DERA: variants seen among roughly 807,000 people sequenced by gnomAD.
DERA encodes 2-deoxy-D-ribose 5-phosphate aldolase.
Under a neutral mutation model 41.1 loss-of-function variants are expected in DERA, and 15 were observed. The observed-to-expected ratio is 0.37, with a 90% CI of 0.24 to 0.56. The LOEUF (loss-of-function observed/expected upper bound fraction) is 0.56. Among genes scored for constraint, DERA ranks in the 20% least tolerant of loss-of-function variants. The pLI is 0.81. For synonymous variants in DERA, 139 were observed against 137.4 expected, an observed-to-expected ratio of 1.01 and a Z score of -0.08; for missense variants, 396 against 403.4, an observed-to-expected ratio of 0.98 and a Z score of 0.16.
chr12:15,960,322 A>G (rs1366499492), intron 4 of DERA, among the ~76,000 whole-genome samples: 1 of 150,836 alleles, frequency 6.6e-6, no homozygotes, highest in South Asian at 2.1e-4. Context: ...TCTGTTATAC[A>G]TATATATGTA....
intron 1 of DERA, among the ~76,000 whole-genome samples, chr12:15,946,088 A>T (rs560401493): frequency 6.6e-6 from 1 of 152,282 alleles, no homozygotes; most frequent in East Asian, 1.9e-4. Context: ...CCACTTGATC[A>T]TGGTGGATAA....
rs114385135 is a variant in DERA, at chr12:15,969,024, C to T, written c.508+6077C>T. Among the ~76,000 whole-genome samples, 974 of 152,280 alleles carry T rather than the reference C, an allele frequency of 6.4e-3. 11 individuals carry two copies. The highest frequency in any genetic ancestry group is 0.022 in the African/African-American group (913 of 41,556). On this transcript the variant is annotated intron_variant, in intron 5 of 8. Transcript: ENST00000428559. Reference sequence around the variant, plus strand: ...TAATGATTTTTACAACCCTTTAGAGCTATAATGATCTTTAATTTTATGTTT... The same window carrying T: ...TAATGATTTTTACAACCCTTTAGAGTTATAATGATCTTTAATTTTATGTTT...
rs1031784683 is a variant in DERA at position 15,921,206 on chromosome 12, C to T, written c.31+9792C>T. Among the ~76,000 whole-genome samples the T allele has an allele frequency of 3.9e-5, 6 of 152,164 alleles. No individual in the cohort carries two copies. Among genetic ancestry groups the T allele is most frequent in the South Asian group, 2.1e-4 (1 of 4,824 alleles). ...AGGCATGTTGGAAACATCGGGGTGA[C>T]GTAGTGAAGTAAGTGCATATATCTG... On this transcript the variant is annotated intron_variant, in intron 1 of 8. Transcript: ENST00000428559. This position sits in a 1 kb window ranked among gnomAD's most constrained non-coding sequence, Gnocchi z 5.3.
intron 1 of DERA, among the ~76,000 whole-genome samples, chr12:15,942,790 G>A (rs911538595): frequency 3.9e-5 from 6 of 152,192 alleles, no homozygotes; most frequent in Non-Finnish European, 7.3e-5. Flanking sequence ...CGTGCTGTGC[G>A]ACATTGCTGG....
At position 15,913,788 on chromosome 12, in the gene DERA, G is replaced by A. The variant is rs1050271939; in HGVS notation, c.31+2374G>A. ...TTCCAAATAGGGAATGTACCCTCTA[G>A]CTTTCATATTAGAGGATGGGGCCCA... On this transcript the variant is annotated intron_variant, in intron 1 of 8. Transcript: ENST00000428559. The surrounding 1 kb of genome is among the most constrained non-coding windows in gnomAD (Gnocchi z 4.5). 2.6e-5 allele frequency among the ~76,000 whole-genome samples: 4 copies of A among 152,180 alleles called. No individual in the cohort carries two copies. Among genetic ancestry groups the A allele is most frequent in the African/African-American group, 7.2e-5 (3 of 41,440 alleles).
chr12:15,958,447 T>C (rs1174483867), intron 3 of DERA, 112 bp downstream of exon 3: 22 of 763,604 alleles, frequency 2.9e-5, no homozygotes, highest in Non-Finnish European at 4.0e-5. Context: ...GAATCCATGA[T>C]AGAAACTCTT....
Position 15,924,308 on chromosome 12 carries a change from G to C in DERA, c.31+12894G>C, listed in dbSNP as rs907079933. ...GTGGTGGTATGCCGCTATGGTCACA[G>C]CTACCTTGGAAACTGAGGCGGGACA... On this transcript the variant is annotated intron_variant, in intron 1 of 8. Transcript: ENST00000428559. The surrounding 1 kb of genome is among the most constrained non-coding windows in gnomAD (Gnocchi z 5.0). 4.1e-4 allele frequency among the ~76,000 whole-genome samples: 63 copies of C among 152,268 alleles called. No homozygotes were observed. The highest frequency in any genetic ancestry group is 1.5e-3 in the African/African-American group (61 of 41,550).
In DERA at chr12:16,034,780, T is replaced by C. The variant is rs1023317047; in HGVS notation, c.751-1452T>C. ...TTTAAAAAAAAAAAAGATAAACTTA[T>C]GTTAGAACCTCTCTGGAAACAGACT... On this transcript the variant is annotated intron_variant, in intron 7 of 8. Transcript: ENST00000428559. Among the ~76,000 whole-genome samples, 15 of 152,156 alleles carry C rather than the reference T, an allele frequency of 9.9e-5. 1 individual carries two copies. Among genetic ancestry groups the C allele is most frequent in the African/African-American group, 3.6e-4 (15 of 41,430 alleles).
intron 7 of DERA, among the ~76,000 whole-genome samples, chr12:16,033,389 G>C (rs531987578): frequency 6.6e-6 from 1 of 152,292 alleles, no homozygotes; most frequent in South Asian, 2.1e-4. Flanking sequence ...AAGCTGAGGA[G>C]GGTGTATACT....
At chr12:15,968,268 A>G (rs1948637297) in intron 5 of DERA, among the ~76,000 whole-genome samples, 1 of 152,116 alleles carries the variant, frequency 6.6e-6, no homozygotes, top group South Asian at 2.1e-4. Flanking sequence ...TACATCTTGT[A>G]TTTCCTGTAT....
rs1948737462 is a variant in DERA at position 15,982,288 on chromosome 12, T to C, written c.509-20T>C. ...ATCACTTGCCTGCTTTGTAACTGCC[T>C]CAATTATTTTCTTCCCCAGCCCTGT... On this transcript the variant is annotated intron_variant, in intron 5 of 8. Coordinates refer to ENST00000428559, the MANE Select transcript of DERA (RefSeq NM_015954.4). This position sits in a 1 kb window ranked among gnomAD's most constrained non-coding sequence, Gnocchi z 4.0. 6.2e-7 allele frequency: 1 copy of C among 1,603,190 alleles called. No individual in the cohort carries two copies. Among genetic ancestry groups the C allele is most frequent in the African/African-American group, 1.3e-5 (1 of 74,394 alleles).
chr12:15,973,533 A>G (rs1948678097), intron 5 of DERA, among the ~76,000 whole-genome samples: 1 of 152,206 alleles, frequency 6.6e-6, no homozygotes, highest in Non-Finnish European at 1.5e-5. Context: ...ATGTAAGCAG[A>G]AAAAATAGTA....
At chr12:15,926,809 C>T (rs988554675) in intron 1 of DERA, among the ~76,000 whole-genome samples, 1 of 150,740 alleles carries the variant, frequency 6.6e-6, no homozygotes, top group Non-Finnish European at 1.5e-5. Flanking sequence ...ACTAACAGGA[C>T]GATGGTTCTG....
At position 15,922,853 on chromosome 12, in the gene DERA, T is replaced by C. The variant is rs532246955; in HGVS notation, c.31+11439T>C. ...TCTGTAAAACAGACACACGAGAATG[T>C]AGGTTCATCAGTTGTAAGGTTTATA... On this transcript the variant is annotated intron_variant, in intron 1 of 8. Coordinates refer to ENST00000428559, the MANE Select transcript of DERA (RefSeq NM_015954.4). This position sits in a 1 kb window ranked among gnomAD's most constrained non-coding sequence, Gnocchi z 4.9. 5.9e-5 allele frequency among the ~76,000 whole-genome samples: 9 copies of C among 152,124 alleles called. No individual in the cohort carries two copies. The highest frequency in any genetic ancestry group is 1.9e-4 in the African/African-American group (8 of 41,494).
chr12:15,929,311 G>C (rs1211516965), intron 1 of DERA, among the ~76,000 whole-genome samples: 1 of 152,210 alleles, frequency 6.6e-6, no homozygotes, highest in Non-Finnish European at 1.5e-5. Flanking sequence ...ACTTCTTCCA[G>C]AGGAGAAATT....
intron 1 of DERA, among the ~76,000 whole-genome samples, chr12:15,950,288 A>T (rs1431614665): frequency 1.3e-5 from 2 of 152,134 alleles, no homozygotes; most frequent in Non-Finnish European, 2.9e-5. Flanking sequence ...CAAAGGGTGG[A>T]TTATTTGTGC....
chr12:15,982,017 CAG>C lies in DERA; in HGVS notation c.509-289_509-288del, dbSNP rs1948735945. ...GGAAGCAACCATCATATGGACAAGA[CAG>C]AAATTATTTATAATTTGCATGTCAT... is the stretch of plus-strand genomic sequence containing the variant. On this transcript the variant is annotated intron_variant, in intron 5 of 8. Transcript: ENST00000428559. This position sits in a 1 kb window ranked among gnomAD's most constrained non-coding sequence, Gnocchi z 4.0. Among the ~76,000 whole-genome samples the C allele has an allele frequency of 6.6e-6, 1 of 152,100 alleles. No homozygotes were observed. The highest frequency in any genetic ancestry group is 2.4e-5 in the African/African-American group (1 of 41,414).
Position 15,962,751 on chromosome 12 carries a change from CT to C in DERA, c.374-60del, listed in dbSNP as rs1257220376. 2.1e-6 allele frequency: 3 copies of C among 1,449,412 alleles called. No homozygotes were observed. The Admixed American group carries it at 6.9e-5, about 33-fold the overall frequency. The allele number at this position is 1,449,412 out of a possible 1,614,324, so 89.8% of individuals were successfully genotyped here. On this transcript the variant is annotated intron_variant, in intron 4 of 8. Coordinates refer to ENST00000428559, the MANE Select transcript of DERA (RefSeq NM_015954.4). ...TTGAAATTTGTTTTCCCCTCCCCCC[CT>C]TGCTTACTTTCTTTCTTCCCTCCTT...
chr12:15,957,027 G>C lies in DERA; in HGVS notation c.123G>C (p.Glu41Asp), dbSNP rs773504125. 6.2e-7 allele frequency: 1 copy of C among 1,613,592 alleles called. No individual in the cohort carries two copies. Among genetic ancestry groups the C allele is most frequent in the African/African-American group, 1.3e-5 (1 of 75,034 alleles). The change falls in exon 2 of 9, where the codon GAG becomes GAC. Residue 41 changes from glutamate to aspartate, a missense_variant. Transcript: ENST00000428559. This position sits in a 1 kb window ranked among gnomAD's most constrained non-coding sequence, Gnocchi z 4.8. ...AGGCTCGCAGAACCGTGAAAAAGGAGTGGCAGGTAAGGGTTCTTCTTGAGC... is the reference window on the plus strand; with the variant it reads ...AGGCTCGCAGAACCGTGAAAAAGGACTGGCAGGTAAGGGTTCTTCTTGAGC... Reference protein sequence around the residue: ...QIQARRTVKKEWQAAWLLKAV... With the variant: ...QIQARRTVKKDWQAAWLLKAV...
Sources: allele counts gnomAD v4.1 joint callset (sites outside exome capture counted in the v4.1 genomes callset), GRCh38; gene constraint gnomAD v4.1.1; non-coding constraint Gnocchi (gnomAD v3.1); transcripts MANE v1.5; gene names NCBI Gene and HGNC (gene_info 2026-07-23, HGNC 2026-07-21).